The following ITSN2 variants were observed in gnomAD, a reference collection of about 807,000 sequenced individuals.
The protein encoded by ITSN2 is intersectin 2, also known as intersectin-2.
In ITSN2, 156 loss-of-function variants were observed where a neutral mutation model predicts 243.7. The observed-to-expected ratio is 0.64, with a 90% CI of 0.56 to 0.73. The LOEUF is 0.73. ITSN2 is among the 30% of genes least tolerant of loss of function. The pLI is 0.00. For missense variants in ITSN2, 1,801 were observed against 1,996.1 expected (o/e 0.90, Z 1.86); for synonymous variants, 703 against 699.9 (o/e 1.00, Z -0.07).
chr2:24,354,835 C>T (rs1406357513), intron 1 of ITSN2, among the ~76,000 whole-genome samples: 4 of 152,066 alleles, frequency 2.6e-5, no homozygotes, highest in Admixed American at 2.0e-4. Context: ...AAATGTTTAC[C>T]GTCTGGTAAT....
intron 2 of ITSN2, among the ~76,000 whole-genome samples, chr2:24,317,922 T>A (rs1186138439): frequency 1.3e-5 from 2 of 152,228 alleles, no homozygotes; most frequent in African/African-American, 4.8e-5. Flanking sequence ...CAGTGGTGCC[T>A]CAAACTATTG....
At chr2:24,294,615 C>A (rs1320416900) in intron 14 of ITSN2, among the ~76,000 whole-genome samples, 1 of 152,138 alleles carries the variant, frequency 6.6e-6, no homozygotes, top group Non-Finnish European at 1.5e-5. Flanking sequence ...AATTATTGAA[C>A]CAGACCCTAC....
At chr2:24,262,994 C>T (rs1176224634) in intron 20 of ITSN2, among the ~76,000 whole-genome samples, 1 of 152,088 alleles carries the variant, frequency 6.6e-6, no homozygotes, top group Non-Finnish European at 1.5e-5. Flanking sequence ...CTACTTCAGG[C>T]TTTTTTTCAT....
chr2:24,213,305 C>T (rs1669671883), intron 32 of ITSN2, among the ~76,000 whole-genome samples: 1 of 152,204 alleles, frequency 6.6e-6, no homozygotes, highest in Non-Finnish European at 1.5e-5. Flanking sequence ...GTTGCAGTGT[C>T]TCTATTCCAC....
At chr2:24,359,793 T>C (rs1011084120) in intron 1 of ITSN2, among the ~76,000 whole-genome samples, 2 of 152,110 alleles carry the variant, frequency 1.3e-5, no homozygotes, top group Non-Finnish European at 2.9e-5. Flanking sequence ...CCGCCCACTG[T>C]CCTCTCGTGA....
intron 25 of ITSN2, among the ~76,000 whole-genome samples, chr2:24,251,325 T>TTAAAAAAAAA (rs1309605801): frequency 2.9e-4 from 1 of 3,400 alleles, no homozygotes; most frequent in African/African-American, 8.6e-4. Context: ...AAAAAAAAAA[T>TTAAAAAAAAA]AAAATATATA....
chr2:24,301,752 C>T (rs1439438630), intron 10 of ITSN2, among the ~76,000 whole-genome samples: 1 of 152,054 alleles, frequency 6.6e-6, no homozygotes, highest in South Asian at 2.1e-4. Flanking sequence ...TCCTGAACTC[C>T]CGGCCTCATG....
Position 24,204,400 on chromosome 2 carries a change from C to A in ITSN2, c.4781G>T (p.Cys1594Phe). 1 of 1,614,080 alleles carries A rather than the reference C, an allele frequency of 6.2e-7. No homozygotes were observed. The highest frequency in any genetic ancestry group is 8.5e-7 in the Non-Finnish European group (1 of 1,179,992). Residue 1594 changes from cysteine (C) to phenylalanine (F), a missense_variant, in exon 39 of 40, where the codon TGT (cysteine) becomes TTT (phenylalanine). Cys to Phe is a radical substitution (Grantham distance 205). Coordinates refer to ENST00000355123, the MANE Select transcript of ITSN2 (RefSeq NM_006277.3). This position sits in a 1 kb window ranked among gnomAD's most constrained non-coding sequence, Gnocchi z 5.1. ...GCTCTGGGAGCCCATGCTGATTTCA[C>A]AGTATGGGTTGCTCTTTCCTGAACA... is the stretch of plus-strand genomic sequence containing the variant. ...CKPNGKSNPY[C>F]EISMGSQSYT...
At position 24,210,012 on chromosome 2, in the gene ITSN2, TGA is replaced by T. The variant is rs781359317; in HGVS notation, c.4277_4278del (p.Leu1426HisfsTer31). On this transcript the variant is annotated frameshift_variant, in exon 35 of 40. Coordinates refer to ENST00000355123, the MANE Select transcript of ITSN2 (RefSeq NM_006277.3). LOFTEE classifies it high-confidence loss of function. ...GLAEQLIFNSLTNCLGPRKLL... is the reference protein window; with the variant it reads ...GLAEQLIFNSXTNCLGPRKLL... ...AGCTTCCGGGGCCCCAGGCAGTTGGTGAGAGAGTTGAAAATAAGTTGCTTAAA... is the reference window on the plus strand; with the variant it reads ...AGCTTCCGGGGCCCCAGGCAGTTGGTGAGAGTTGAAAATAAGTTGCTTAAA... 19 of 1,613,456 alleles carry T rather than the reference TGA, an allele frequency of 1.2e-5. No individual in the cohort carries two copies. In the African/African-American group the frequency reaches 2.3e-4, roughly 19 times the overall value.
chr2:24,268,509 A>C (rs934674444), intron 20 of ITSN2, among the ~76,000 whole-genome samples: 22 of 152,138 alleles, frequency 1.4e-4, no homozygotes, highest in African/African-American at 5.3e-4. Context: ...GACAAGGAAC[A>C]TGAAGTGCCT....
At chr2:24,316,338 C>G (rs1163421536) in intron 2 of ITSN2, among the ~76,000 whole-genome samples, 3 of 152,100 alleles carry the variant, frequency 2.0e-5, no homozygotes, top group African/African-American at 7.2e-5. Flanking sequence ...TGGAGAGCAG[C>G]AGAGTGATCT....
intron 29 of ITSN2, among the ~76,000 whole-genome samples, chr2:24,236,569 C>G (rs997274031): frequency 6.6e-6 from 1 of 151,866 alleles, no homozygotes; most frequent in Non-Finnish European, 1.5e-5. Flanking sequence ...GAGTCTTGTC[C>G]TTGTTTATTA....
rs377710606 is a variant in ITSN2, at chr2:24,211,020, G to A, written c.4090-73C>T. 13 of 1,433,014 alleles carry A rather than the reference G, an allele frequency of 9.1e-6. No individual in the cohort carries two copies. Among genetic ancestry groups the A allele is most frequent in the African/African-American group, 8.4e-5 (6 of 71,404 alleles). The allele number at this position is 1,433,014 out of a possible 1,614,324, so 88.8% of individuals were successfully genotyped here. ...TGCCCACCTGGACCTTCGCAGGACCGCTCCTCCAACCCCATGTTATGGACT... is the reference window on the plus strand; with the variant it reads ...TGCCCACCTGGACCTTCGCAGGACCACTCCTCCAACCCCATGTTATGGACT... On this transcript the variant is annotated intron_variant, in intron 33 of 39. Transcript: ENST00000355123. The surrounding 1 kb of genome is among the most constrained non-coding windows in gnomAD (Gnocchi z 4.1).
At chr2:24,213,490 C>T (rs74650777) in intron 32 of ITSN2, among the ~76,000 whole-genome samples, 1 of 152,136 alleles carries the variant, frequency 6.6e-6, no homozygotes, top group Non-Finnish European at 1.5e-5. Flanking sequence ...ATTTAAATTG[C>T]CCCCCTTTTG....
At chr2:24,208,951 TG>T in intron 36 of ITSN2, 148 bp downstream of exon 36, 1 of 795,858 alleles carries the variant, frequency 1.3e-6, no homozygotes. Context: ...AGGCCTACCA[TG>T]GGACTGGAGC....
At chr2:24,271,424 A>G (rs941675199) in intron 19 of ITSN2, among the ~76,000 whole-genome samples, 2 of 152,206 alleles carry the variant, frequency 1.3e-5, no homozygotes, top group African/African-American at 4.8e-5. Flanking sequence ...GGTGTATCAA[A>G]ATTTTACTGT....
chr2:24,270,496 A>G (rs1342900820), intron 20 of ITSN2, among the ~76,000 whole-genome samples, 175 bp downstream of exon 20: 3 of 152,260 alleles, frequency 2.0e-5, no homozygotes, highest in Admixed American at 1.3e-4. Context: ...CTTAGTTAGT[A>G]ATAATAACTG....
In ITSN2 at chr2:24,211,227, C is replaced by T. The variant is rs907946863; in HGVS notation, c.4090-280G>A. 4.6e-5 allele frequency among the ~76,000 whole-genome samples: 7 copies of T among 151,804 alleles called. No homozygotes were observed. The highest frequency in any genetic ancestry group is 3.9e-4 in the East Asian group (2 of 5,156). ...CTCTGGTTGCTCTCCGACTGGCTCC[C>T]GGTAATAGGCGGGAGCCTCCCGACT... On this transcript the variant is annotated intron_variant, in intron 33 of 39. Transcript: ENST00000355123. The surrounding 1 kb of genome is among the most constrained non-coding windows in gnomAD (Gnocchi z 4.1).
intron 13 of ITSN2, among the ~76,000 whole-genome samples, chr2:24,296,039 A>G (rs1453408204): frequency 6.6e-6 from 1 of 152,218 alleles, no homozygotes; most frequent in African/African-American, 2.4e-5. Flanking sequence ...AGTATGGGAA[A>G]GCAGAAACAT....
Sources: allele counts gnomAD v4.1 joint callset (sites outside exome capture counted in the v4.1 genomes callset), GRCh38; gene constraint gnomAD v4.1.1; non-coding constraint Gnocchi (gnomAD v3.1); transcripts MANE v1.5; gene names NCBI Gene and HGNC (gene_info 2026-07-23, HGNC 2026-07-21).